Variants in PLCXD2 observed in about 807,000 individuals in gnomAD.
PLCXD2 encodes PI-PLC X domain-containing protein 2.
Under a neutral mutation model 28.6 loss-of-function variants are expected in PLCXD2, and 21 were observed. The ratio of observed to expected loss-of-function variants is 0.73; its 90% CI spans 0.52 to 1.06. PLCXD2 has a LOEUF of 1.06. Ranked by LOEUF, PLCXD2 falls within the 50% of genes least tolerant of loss-of-function variation. PLCXD2 has a pLI of 0.00. For synonymous variants in PLCXD2, 140 were observed against 150.1 expected, an observed-to-expected ratio of 0.93 and a Z score of 0.49; for missense variants, 369 against 376.7, an observed-to-expected ratio of 0.98 and a Z score of 0.17.
chr3:111,707,690 T>C (rs562963356), intron 1 of PLCXD2, among the ~76,000 whole-genome samples: 1 of 152,364 alleles, frequency 6.6e-6, no homozygotes, highest in South Asian at 2.1e-4. Flanking sequence ...ATTTGCCTTA[T>C]GCCAGCAAAA....
At chr3:111,684,189 G>C (rs190702447) in intron 1 of PLCXD2, among the ~76,000 whole-genome samples, 50 of 151,904 alleles carry the variant, frequency 3.3e-4, no homozygotes, top group African/African-American at 1.0e-3. Flanking sequence ...AATTAGCTGG[G>C]CATGGTGGCA....
Position 111,686,804 on chromosome 3 carries a change from G to A in PLCXD2, c.163+11396G>A, listed in dbSNP as rs984035487. Among the ~76,000 whole-genome samples the A allele has an allele frequency of 8.5e-5, 13 of 152,154 alleles. 1 individual carries two copies. Among genetic ancestry groups the A allele is most frequent in the Admixed American group, 7.2e-4 (11 of 15,280 alleles). On this transcript the variant is annotated intron_variant, in intron 1 of 4. Transcript: ENST00000477665. ...TCTCTGGTACCTTTCTTTTAAAATT[G>A]TTCAATGTAATATTTTATTATAGTT...
intron 1 of PLCXD2, among the ~76,000 whole-genome samples, chr3:111,696,403 T>G (rs865795751): frequency 1.2e-4 from 19 of 152,322 alleles, no homozygotes; most frequent in Non-Finnish European, 2.4e-4. Flanking sequence ...GGGAAGAGTC[T>G]TTGCAGCTGA....
intron 1 of PLCXD2, among the ~76,000 whole-genome samples, chr3:111,697,970 A>AT (rs1374935757): frequency 6.6e-6 from 1 of 152,168 alleles, no homozygotes; most frequent in Non-Finnish European, 1.5e-5. Context: ...TTTGATGTTG[A>AT]TTTTGGGTGT....
At chr3:111,685,783 G>T (rs936493085) in intron 1 of PLCXD2, among the ~76,000 whole-genome samples, 2 of 152,190 alleles carry the variant, frequency 1.3e-5, no homozygotes, top group Admixed American at 1.3e-4. Flanking sequence ...CAGAATAGAA[G>T]AATTTCTTGT....
chr3:111,699,621 C>G (rs1198958555), intron 1 of PLCXD2, among the ~76,000 whole-genome samples: 1 of 152,150 alleles, frequency 6.6e-6, no homozygotes, highest in African/African-American at 2.4e-5. Flanking sequence ...GAGGCAATAA[C>G]TATAACACTG....
In PLCXD2 at chr3:111,674,844, CG is replaced by C. The variant is rs1480352560; in HGVS notation, c.-399del. ...TAAATCAGGCTAGAGCCGGCGCGCCCGGGCGCGCACCTGTGTATGGACCCGC... is the reference window on the plus strand; with the variant it reads ...TAAATCAGGCTAGAGCCGGCGCGCCCGGCGCGCACCTGTGTATGGACCCGC... On this transcript the variant is annotated 5_prime_UTR_variant, in exon 1 of 5. Transcript: ENST00000477665. The C allele has an allele frequency of 2.4e-5, 4 of 167,562 alleles. No homozygotes were observed. The highest frequency in any genetic ancestry group is 9.6e-5 in the African/African-American group (4 of 41,786). 10.4% of individuals were successfully genotyped at this position (167,562 alleles called of 1,614,324 possible).
At chr3:111,692,333 G>C in intron 1 of PLCXD2, 1 of 152,868 alleles carries the variant, frequency 6.5e-6, no homozygotes, top group East Asian at 1.9e-4. Context: ...GTGAGCCACC[G>C]CCCGGCCAGG....
intron 3 of PLCXD2, among the ~76,000 whole-genome samples, chr3:111,714,721 A>G: frequency 6.6e-6 from 1 of 152,290 alleles, no homozygotes; most frequent in South Asian, 2.1e-4. Flanking sequence ...CCAATGAATG[A>G]TAGATGTTCT....
At chr3:111,695,885 T>C (rs1478628961) in intron 1 of PLCXD2, among the ~76,000 whole-genome samples, 1 of 152,252 alleles carries the variant, frequency 6.6e-6, no homozygotes, top group East Asian at 1.9e-4. Flanking sequence ...AAATTTTCCA[T>C]TTAATAGTTT....
Position 111,708,045 on chromosome 3 carries a change from T to C in PLCXD2, c.283T>C (p.Ser95Pro), listed in dbSNP as rs1232443898. ...GGTGAAGAAGCTAATGAAGAAGTGG[T>C]CTGTGACTCAGAACCTGACATTTCG... is the stretch of plus-strand genomic sequence containing the variant. Residue 95 changes from serine (S) to proline (P), a missense_variant, in exon 2 of 5, where the codon TCT (serine) becomes CCT (proline). Transcript: ENST00000477665. 1.2e-6 allele frequency: 2 copies of C among 1,614,024 alleles called. No individual in the cohort carries two copies. The highest frequency in any genetic ancestry group is 1.7e-6 in the Non-Finnish European group (2 of 1,180,034).
At chr3:111,682,275 A>G (rs1327217192) in intron 1 of PLCXD2, among the ~76,000 whole-genome samples, 1 of 152,192 alleles carries the variant, frequency 6.6e-6, no homozygotes, top group Non-Finnish European at 1.5e-5. Flanking sequence ...TCAAGATAAA[A>G]GAGGTTGAGC....
intron 3 of PLCXD2, chr3:111,726,119 A>G (rs1316888914): frequency 2.7e-6 from 1 of 370,550 alleles, no homozygotes; most frequent in African/African-American, 2.1e-5. Context: ...GCTCACAAAC[A>G]TTAAGCCCAA....
intron 1 of PLCXD2, among the ~76,000 whole-genome samples, chr3:111,689,658 G>C (rs1308163517): frequency 6.6e-6 from 1 of 152,150 alleles, no homozygotes; most frequent in Admixed American, 6.5e-5. Context: ...TATACTTGCT[G>C]TCTTGTTCAG....
chr3:111,687,811 A>G (rs1940817290), intron 1 of PLCXD2, among the ~76,000 whole-genome samples: 1 of 151,894 alleles, frequency 6.6e-6, no homozygotes, highest in African/African-American at 2.4e-5. Context: ...CAGCCTCCTG[A>G]GTAGATGAGA....
At chr3:111,725,696 G>A (rs2107881248) in intron 3 of PLCXD2, 1 of 398,486 alleles carries the variant, frequency 2.5e-6, no homozygotes, top group Non-Finnish European at 4.4e-6. Context: ...ATATTCTCCA[G>A]CAAAACTTTT....
rs200969327 is a variant in PLCXD2 at position 111,679,075 on chromosome 3, G to GT, written c.163+3674dup. 7.0e-3 allele frequency among the ~76,000 whole-genome samples: 1,055 copies of GT among 149,972 alleles called. 13 individuals are homozygous for GT. Among genetic ancestry groups the GT allele is most frequent in the African/African-American group, 0.025 (1,020 of 41,418 alleles). On this transcript the variant is annotated intron_variant, in intron 1 of 4. Coordinates refer to ENST00000477665, the MANE Select transcript of PLCXD2 (RefSeq NM_001185106.1). ...TATATATGTACCTTCATCATACATA[G>GT]TTTTTTTAAAAAGAACTAATTAGAA...
chr3:111,689,649 A>G (rs1940846087), intron 1 of PLCXD2, among the ~76,000 whole-genome samples: 1 of 152,192 alleles, frequency 6.6e-6, no homozygotes, highest in Non-Finnish European at 1.5e-5. Context: ...TCATTTCTGT[A>G]TACTTGCTGT....
At chr3:111,695,480 G>A (rs774995374) in intron 1 of PLCXD2, among the ~76,000 whole-genome samples, 6 of 152,176 alleles carry the variant, frequency 3.9e-5, no homozygotes, top group South Asian at 4.1e-4. Flanking sequence ...CACTGCTGTC[G>A]CACTTTGGGG....
Sources: gnomAD v4.1 joint callset for allele counts (sites outside exome capture counted in the v4.1 genomes callset) on GRCh38, gnomAD v4.1.1 for gene constraint, MANE v1.5 for transcripts, NCBI Gene and HGNC (gene_info 2026-07-23, HGNC 2026-07-21) for gene names.